SLC9C1: variants seen among roughly 807,000 people sequenced by gnomAD.
SLC9C1 encodes sodium/hydrogen exchanger 10.
In SLC9C1, 97 loss-of-function variants were observed where a neutral mutation model predicts 140.9. That is an observed-to-expected ratio of 0.69 (90% confidence interval 0.58 to 0.82). SLC9C1 has a LOEUF of 0.82. Among genes scored for constraint, SLC9C1 ranks in the 40% least tolerant of loss-of-function variants. SLC9C1 has a pLI of 0.00. For synonymous variants in SLC9C1, 440 were observed against 442.6 expected (o/e 0.99, Z 0.07); for missense variants, 1,340 against 1,389.3 (o/e 0.96, Z 0.56).
chr3:112,208,829 T>G (rs894644589), intron 15 of SLC9C1, among the ~76,000 whole-genome samples: 2 of 152,218 alleles, frequency 1.3e-5, no homozygotes, highest in African/African-American at 4.8e-5. Context: ...TGACACATTT[T>G]TCTGTAAGCT....
chr3:112,266,419 C>A, intron 7 of SLC9C1, 79 bp from the exon 8 acceptor site: 1 of 1,124,060 alleles, frequency 8.9e-7, no homozygotes, highest in South Asian at 1.6e-5. Context: ...TTAAAAGTAT[C>A]AGATGTTGTG....
At chr3:112,246,187 A>G (rs1387422334) in intron 10 of SLC9C1, among the ~76,000 whole-genome samples, 1 of 152,180 alleles carries the variant, frequency 6.6e-6, no homozygotes. Context: ...AGAGTGCAGC[A>G]TCAGCCTCTG....
chr3:112,171,735 T>C lies in SLC9C1; in HGVS notation c.2920-2407A>G, dbSNP rs141453423. Among the ~76,000 whole-genome samples the C allele has an allele frequency of 2.1e-3, 318 of 152,362 alleles. 1 individual carries two copies. The highest frequency in any genetic ancestry group is 7.1e-3 in the African/African-American group (296 of 41,586). On this transcript the variant is annotated intron_variant, in intron 23 of 28. Transcript: ENST00000305815. ...CTCCTATGTTTTCTTCTATAATTTATATAGTTCTATCTTTCATGTTAAAGT... is the reference window on the plus strand; with the variant it reads ...CTCCTATGTTTTCTTCTATAATTTACATAGTTCTATCTTTCATGTTAAAGT...
intron 1 of SLC9C1, among the ~76,000 whole-genome samples, chr3:112,287,960 G>A (rs969937073): frequency 1.4e-5 from 2 of 146,686 alleles, no homozygotes; most frequent in Non-Finnish European, 3.0e-5. Context: ...GGAAAATGGC[G>A]TGAACCGGGG....
At chr3:112,215,387 G>C (rs548884152) in intron 15 of SLC9C1, among the ~76,000 whole-genome samples, 1 of 152,114 alleles carries the variant, frequency 6.6e-6, no homozygotes, top group East Asian at 1.9e-4. Context: ...GGAAATAAAG[G>C]GTAGTCAATT....
intron 5 of SLC9C1, among the ~76,000 whole-genome samples, chr3:112,276,675 CAA>C (rs2080223501): frequency 6.6e-6 from 1 of 151,808 alleles, no homozygotes; most frequent in Admixed American, 6.6e-5. Context: ...CAAAGTTAGA[CAA>C]GAGTGAAATC....
Position 112,216,209 on chromosome 3 carries a change from G to C in SLC9C1, c.1790+1233C>G, listed in dbSNP as rs558439039. Among the ~76,000 whole-genome samples, 41 of 152,304 alleles carry C rather than the reference G, an allele frequency of 2.7e-4. 1 individual carries two copies. In the South Asian group the frequency reaches 5.6e-3, roughly 21 times the overall value. ...ACACCTTATACAAAAATCAATTCAA[G>C]ATGGATTAAAGACTTAAATGTTAGA... On this transcript the variant is annotated intron_variant, in intron 15 of 28. Transcript: ENST00000305815.
At chr3:112,206,475 C>T (rs1320776461) in intron 16 of SLC9C1, among the ~76,000 whole-genome samples, 1 of 152,060 alleles carries the variant, frequency 6.6e-6, no homozygotes, top group African/African-American at 2.4e-5. Flanking sequence ...CCATTTGACC[C>T]AGCCATCCCA....
intron 13 of SLC9C1, among the ~76,000 whole-genome samples, chr3:112,226,382 G>A (rs2108148005): frequency 1.3e-5 from 2 of 152,148 alleles, no homozygotes; most frequent in South Asian, 4.2e-4. Context: ...TATAGCAAAA[G>A]CTGCACTAAG....
chr3:112,284,849 A>C (rs1482364865), intron 2 of SLC9C1, among the ~76,000 whole-genome samples: 1 of 152,082 alleles, frequency 6.6e-6, no homozygotes, highest in Non-Finnish European at 1.5e-5. Flanking sequence ...ATTCTTTATA[A>C]AATTATAAAG....
intron 10 of SLC9C1, among the ~76,000 whole-genome samples, chr3:112,255,316 A>G (rs771707171): frequency 1.3e-5 from 2 of 152,152 alleles, no homozygotes; most frequent in Non-Finnish European, 1.5e-5. Context: ...AAAGTCTAAA[A>G]TCAACCACAC....
chr3:112,196,663 A>C (rs984909627), intron 20 of SLC9C1, among the ~76,000 whole-genome samples: 2 of 152,086 alleles, frequency 1.3e-5, no homozygotes, highest in African/African-American at 4.8e-5. Context: ...CTGCCTTTGA[A>C]TCCCCTTAGG....
At chr3:112,166,317 G>T (rs887295265) in intron 26 of SLC9C1, among the ~76,000 whole-genome samples, 1 of 152,194 alleles carries the variant, frequency 6.6e-6, no homozygotes, top group African/African-American at 2.4e-5. Context: ...GATGAACCCG[G>T]TACCTCAGTT....
At chr3:112,168,519 AG>A (rs1369730893) in intron 25 of SLC9C1, among the ~76,000 whole-genome samples, 1 of 152,252 alleles carries the variant, frequency 6.6e-6, no homozygotes, top group African/African-American at 2.4e-5. Context: ...GAACCTTTCT[AG>A]AGCATTGTTG....
chr3:112,202,550 G>T, intron 17 of SLC9C1, 151 bp from the exon 18 acceptor site: 1 of 709,768 alleles, frequency 1.4e-6, no homozygotes, highest in Non-Finnish European at 2.2e-6. Context: ...TATTTTTTTA[G>T]TGGTATCTTT....
chr3:112,270,102 A>G (rs768815656), intron 6 of SLC9C1, 25 bp from the exon 7 acceptor site: 6 of 1,467,382 alleles, frequency 4.1e-6, no homozygotes, highest in Non-Finnish European at 4.5e-6. Context: ...CGTAAATAAG[A>G]AATAGTTAAT....
At chr3:112,256,552 C>T (rs530444963) in intron 10 of SLC9C1, among the ~76,000 whole-genome samples, 2 of 152,108 alleles carry the variant, frequency 1.3e-5, no homozygotes, top group South Asian at 2.1e-4. Flanking sequence ...TACTAGGTAT[C>T]GAAGGACCAT....
chr3:112,231,614 T>G, intron 12 of SLC9C1, 128 bp from the exon 13 acceptor site: 1 of 840,372 alleles, frequency 1.2e-6, no homozygotes, highest in Non-Finnish European at 1.8e-6. Flanking sequence ...ATAAGAAAAA[T>G]GTTCAGATCC....
intron 11 of SLC9C1, among the ~76,000 whole-genome samples, chr3:112,241,071 G>A: frequency 6.6e-6 from 1 of 152,030 alleles, no homozygotes; most frequent in East Asian, 1.9e-4. Context: ...AACACAATAA[G>A]GTGACTATAG....
Sources: gnomAD v4.1 joint callset for allele counts (sites outside exome capture counted in the v4.1 genomes callset) on GRCh38, gnomAD v4.1.1 for gene constraint, MANE v1.5 for transcripts, NCBI Gene and HGNC (gene_info 2026-07-23, HGNC 2026-07-21) for gene names.